The following TASP1 variants were observed in gnomAD, a reference collection of about 807,000 sequenced individuals.
TASP1 encodes the protein taspase 1.
A neutral mutation model predicts 56.6 loss-of-function variants in TASP1; 16 were observed. The observed-to-expected ratio is 0.28, with a 90% CI of 0.19 to 0.43. The LOEUF (loss-of-function observed/expected upper bound fraction) is 0.43, where lower values mean the gene tolerates loss of function less well. Among genes scored for constraint, TASP1 ranks in the 20% least tolerant of loss-of-function variants. The pLI, the probability that TASP1 is intolerant of heterozygous loss-of-function variation, is 1.00. For synonymous variants in TASP1, 179 were observed against 184.2 expected (o/e 0.97, Z 0.23); for missense variants, 393 against 511.6 (o/e 0.77, Z 2.24).
chr20:13,466,450 CA>C (rs1424899521), intron 11 of TASP1, among the ~76,000 whole-genome samples: 1 of 152,114 alleles, frequency 6.6e-6, no homozygotes, highest in East Asian at 1.9e-4. Flanking sequence ...TCTTTAAAAT[CA>C]AAAAGCCACC....
the TASP1 span, among the ~76,000 whole-genome samples, chr20:13,280,325 T>C: frequency 1.3e-5 from 2 of 152,024 alleles, no homozygotes; most frequent in African/African-American, 4.8e-5. Context: ...GTGTTATGTT[T>C]GATACTGGCA....
chr20:13,586,367 C>T (rs1231033851), intron 5 of TASP1, among the ~76,000 whole-genome samples: 1 of 152,058 alleles, frequency 6.6e-6, no homozygotes, highest in Non-Finnish European at 1.5e-5. Context: ...TAAAATACTA[C>T]TGACACAAAA....
At chr20:13,599,642 G>A (rs1397162902) in intron 4 of TASP1, among the ~76,000 whole-genome samples, 1 of 151,902 alleles carries the variant, frequency 6.6e-6, no homozygotes, top group Non-Finnish European at 1.5e-5. Flanking sequence ...AAACCTGCAC[G>A]TCGTGTACAT....
chr20:13,336,307 T>G, the TASP1 span, among the ~76,000 whole-genome samples: 1 of 152,208 alleles, frequency 6.6e-6, no homozygotes, highest in Non-Finnish European at 1.5e-5. Context: ...ATTTGTTTTG[T>G]AAGTAAAGAC....
intron 2 of TASP1, among the ~76,000 whole-genome samples, chr20:13,626,567 C>T (rs1018744113): frequency 8.5e-5 from 13 of 152,176 alleles, no homozygotes; most frequent in African/African-American, 2.9e-4. Flanking sequence ...GTAGAGAAAG[C>T]ACTCACCCAC....
At chr20:13,187,629 T>C in the TASP1 span, among the ~76,000 whole-genome samples, 1 of 148,262 alleles carries the variant, frequency 6.7e-6, no homozygotes, top group Admixed American at 6.9e-5. Flanking sequence ...ACACCTGTAG[T>C]CCCAGCTACT....
At chr20:13,308,982 C>CA in the TASP1 span, among the ~76,000 whole-genome samples, 1 of 152,192 alleles carries the variant, frequency 6.6e-6, no homozygotes, top group Non-Finnish European at 1.5e-5. Context: ...ACCTTGATCT[C>CA]AGACTTCCAG....
chr20:13,160,578 G>C, the TASP1 span, among the ~76,000 whole-genome samples: 3 of 152,208 alleles, frequency 2.0e-5, no homozygotes, highest in Admixed American at 1.3e-4. Context: ...ACCTAAGTGA[G>C]GTGGAAATGA....
intron 10 of TASP1, among the ~76,000 whole-genome samples, chr20:13,509,161 G>A (rs1490202652): frequency 1.3e-5 from 2 of 149,480 alleles, no homozygotes; most frequent in Admixed American, 1.4e-4. Context: ...GTGTGTGTGT[G>A]TGATTTAGCC....
At position 13,466,613 on chromosome 20, in the gene TASP1, C is replaced by T. The variant is rs555538993; in HGVS notation, c.985+16614G>A. 2.2e-4 allele frequency among the ~76,000 whole-genome samples: 34 copies of T among 152,128 alleles called. No individual in the cohort carries two copies. The South Asian group carries it at 3.1e-3, about 14-fold the overall frequency. On this transcript the variant is annotated intron_variant, in intron 11 of 13. Transcript: ENST00000337743. ...TACATTAGCCAGGCGTGGTGGCATG[C>T]GCCTGTAATCCCAGCCACAGGGGAG...
At chr20:13,368,811 G>A in the TASP1 span, 1 of 152,202 alleles carries the variant, frequency 6.6e-6, no homozygotes, top group African/African-American at 2.4e-5. Context: ...CCACCTGCAG[G>A]ATGGCTTGCA....
chr20:13,290,195 G>A, the TASP1 span, among the ~76,000 whole-genome samples: 1 of 152,112 alleles, frequency 6.6e-6, no homozygotes, highest in East Asian at 1.9e-4. Flanking sequence ...TCATTAGGAT[G>A]AGCTGAGTTG....
At chr20:13,437,763 C>T (rs1025883255) in intron 11 of TASP1, among the ~76,000 whole-genome samples, 4 of 152,178 alleles carry the variant, frequency 2.6e-5, no homozygotes, top group African/African-American at 9.7e-5. Context: ...TTCACAATTG[C>T]TTCAGAGAGA....
intron 4 of TASP1, among the ~76,000 whole-genome samples, chr20:13,598,909 C>G (rs2047847624): frequency 6.6e-6 from 1 of 152,080 alleles, no homozygotes; most frequent in Non-Finnish European, 1.5e-5. Flanking sequence ...TTTATGCAGC[C>G]AACAGACACA....
At chr20:13,279,037 A>G in the TASP1 span, among the ~76,000 whole-genome samples, 1 of 152,230 alleles carries the variant, frequency 6.6e-6, no homozygotes, top group African/African-American at 2.4e-5. Context: ...AGAGTGAATC[A>G]CATGGCTAAT....
chr20:13,487,630 G>A (rs1396120869), intron 10 of TASP1, among the ~76,000 whole-genome samples: 1 of 151,932 alleles, frequency 6.6e-6, no homozygotes, highest in African/African-American at 2.4e-5. Context: ...TTCTACTTGT[G>A]GGTATCCCGA....
chr20:13,229,798 A>G, the TASP1 span, among the ~76,000 whole-genome samples: 1 of 152,156 alleles, frequency 6.6e-6, no homozygotes, highest in East Asian at 1.9e-4. Context: ...TTCACTTTCA[A>G]TTGGTTGCCA....
the TASP1 span, among the ~76,000 whole-genome samples, chr20:13,378,123 A>C: frequency 6.6e-6 from 1 of 151,982 alleles, no homozygotes; most frequent in African/African-American, 2.4e-5. Flanking sequence ...CTAACTTTGA[A>C]TTTGTTTGCT....
intron 10 of TASP1, among the ~76,000 whole-genome samples, chr20:13,517,126 G>A (rs148042227): frequency 5.3e-5 from 8 of 152,084 alleles, no homozygotes; most frequent in African/African-American, 1.9e-4. Context: ...AGCCTCATTC[G>A]GTGCTAATAT....
Sources: allele counts gnomAD v4.1 joint callset (sites outside exome capture counted in the v4.1 genomes callset), GRCh38; gene constraint gnomAD v4.1.1; transcripts MANE v1.5; gene names NCBI Gene and HGNC (gene_info 2026-07-23, HGNC 2026-07-21).